FOXP1: variants seen among roughly 807,000 people sequenced by gnomAD.
FOXP1 encodes the protein forkhead box P1, also known as forkhead box protein P1.
In FOXP1, 15 loss-of-function variants were observed where a neutral mutation model predicts 98.2. The ratio of observed to expected loss-of-function variants is 0.15; its 90% CI spans 0.10 to 0.24. The LOEUF (loss-of-function observed/expected upper bound fraction) is 0.24. Ranked by LOEUF, FOXP1 falls within the 10% of genes least tolerant of loss-of-function variation. The pLI, the probability that FOXP1 is intolerant of heterozygous loss-of-function variation, is 1.00. For missense variants in FOXP1, 633 were observed against 848.5 expected, an observed-to-expected ratio of 0.75 and a Z score of 3.15; for synonymous variants, 371 against 314.5, an observed-to-expected ratio of 1.18 and a Z score of -1.90.
intron 3 of FOXP1, among the ~76,000 whole-genome samples, chr3:71,400,550 G>A (rs2081892633): frequency 6.6e-6 from 1 of 152,088 alleles, no homozygotes; most frequent in Non-Finnish European, 1.5e-5. Context: ...TAGAGATGGT[G>A]TTTCACCATG....
intron 6 of FOXP1, among the ~76,000 whole-genome samples, chr3:71,150,637 T>C (rs2060523042): frequency 6.8e-6 from 1 of 147,842 alleles, no homozygotes. Flanking sequence ...CCATTACTTA[T>C]TATTATTACT....
rs569461441 is a variant in FOXP1 at position 71,581,381 on chromosome 3, G to A, written c.-298+168C>T. 6.2e-5 allele frequency: 61 copies of A among 985,402 alleles called. No individual in the cohort carries two copies. The African/African-American group carries it at 9.8e-4, about 16-fold the overall frequency. The allele number at this position is 985,402 out of a possible 1,614,324, so 61.0% of individuals were successfully genotyped here. On this transcript the variant is annotated intron_variant, in intron 2 of 20. Transcript: ENST00000649528. Reference sequence around the variant, plus strand: ...AAAAGGGTGGAGGGGAGGAAGTCCAGTATTTCGAAGCACCTACCGGCCTGA... The same window carrying A: ...AAAAGGGTGGAGGGGAGGAAGTCCAATATTTCGAAGCACCTACCGGCCTGA...
At chr3:71,432,534 C>T (rs1038841549) in intron 3 of FOXP1, among the ~76,000 whole-genome samples, 1 of 152,218 alleles carries the variant, frequency 6.6e-6, no homozygotes, top group Admixed American at 6.5e-5. Context: ...GCTCCTATTC[C>T]ACCAGGTCCC....
At chr3:71,363,142 T>G (rs2078688268) in intron 3 of FOXP1, among the ~76,000 whole-genome samples, 1 of 151,882 alleles carries the variant, frequency 6.6e-6, no homozygotes, top group Non-Finnish European at 1.5e-5. Flanking sequence ...AAAAAAGGTG[T>G]GTTTAGATCT....
intron 6 of FOXP1, among the ~76,000 whole-genome samples, chr3:71,125,532 C>G (rs754759144): frequency 9.9e-5 from 15 of 152,134 alleles, no homozygotes; most frequent in Non-Finnish European, 1.9e-4. Context: ...CAAAGAAATA[C>G]AGATTTGATT....
At chr3:71,560,238 A>G (rs1335213544) in intron 2 of FOXP1, among the ~76,000 whole-genome samples, 1 of 152,230 alleles carries the variant, frequency 6.6e-6, no homozygotes. Flanking sequence ...CCACTGTGTA[A>G]TGTGACTACG....
rs913468311 is a variant in FOXP1 at position 70,977,649 on chromosome 3, A to T, written c.1422T>A (p.Ile474=). Residue 474 remains isoleucine, a synonymous_variant, in exon 16 of 21, where the codon ATT becomes ATA. Transcript: ENST00000649528. ...VRPPFTYASL[I]RQAILESPEK... Reference sequence around the variant, plus strand: ...TACTGTGTTATTTACTTACCTGCCTAATTAAAGATGCATATGTAAATGGTG... The same window carrying T: ...TACTGTGTTATTTACTTACCTGCCTTATTAAAGATGCATATGTAAATGGTG... The T allele has an allele frequency of 1.2e-6, 2 of 1,611,754 alleles. No homozygotes were observed. The highest frequency in any genetic ancestry group is 2.7e-5 in the African/African-American group (2 of 74,912).
intron 2 of FOXP1, among the ~76,000 whole-genome samples, chr3:71,526,906 G>A (rs2043428371): frequency 1.3e-5 from 2 of 151,088 alleles, no homozygotes; most frequent in Non-Finnish European, 1.5e-5. Flanking sequence ...GGCAGAGGTC[G>A]CGGTGAGCCA....
At chr3:71,337,735 C>T (rs1347442098) in intron 4 of FOXP1, among the ~76,000 whole-genome samples, 1 of 152,150 alleles carries the variant, frequency 6.6e-6, no homozygotes, top group Non-Finnish European at 1.5e-5. Context: ...AAACTTTCAT[C>T]TCAAGGATAA....
rs371166757 is a variant in FOXP1 at position 71,413,290 on chromosome 3, A to ACACC, written c.-167-54047_-167-54046insGGTG. Among the ~76,000 whole-genome samples, 132 of 138,596 alleles carry ACACC rather than the reference A, an allele frequency of 9.5e-4. 1 individual carries two copies. The highest frequency in any genetic ancestry group is 2.0e-3 in the South Asian group (8 of 4,084). The allele number at this position is 138,596 out of a possible 152,430, so 90.9% of individuals were successfully genotyped here. A position where few individuals can be genotyped will look rare whatever the true frequency, so the allele number is the denominator to read the frequency against. On this transcript the variant is annotated intron_variant, in intron 3 of 20. Transcript: ENST00000649528. ...CACACACACACACACACACACACAC[A>ACACC]CCCAAAACAGCCAACCAGTATGGAA...
intron 6 of FOXP1, among the ~76,000 whole-genome samples, chr3:71,180,336 T>C (rs777489447): frequency 6.6e-6 from 1 of 152,172 alleles, no homozygotes; most frequent in Non-Finnish European, 1.5e-5. Context: ...TAGTATATAA[T>C]TATTTGCTGT....
intron 5 of FOXP1, among the ~76,000 whole-genome samples, chr3:71,270,449 T>A: frequency 6.6e-6 from 1 of 152,130 alleles, no homozygotes; most frequent in East Asian, 1.9e-4. Context: ...GATACAGGAA[T>A]GGAGGAGGAG....
chr3:71,529,995 C>T (rs2043703923), intron 2 of FOXP1, among the ~76,000 whole-genome samples: 1 of 152,088 alleles, frequency 6.6e-6, no homozygotes, highest in Non-Finnish European at 1.5e-5. Flanking sequence ...CACCTGTGTC[C>T]AAAGCAGGGG....
chr3:71,475,031 G>A (rs576732860), intron 3 of FOXP1, among the ~76,000 whole-genome samples: 5 of 152,192 alleles, frequency 3.3e-5, no homozygotes, highest in African/African-American at 9.6e-5. Context: ...TGTCAGGCAA[G>A]CTCAAGTCTG....
At chr3:71,064,722 C>T (rs2052133643) in intron 7 of FOXP1, 1 of 817,070 alleles carries the variant, frequency 1.2e-6, no homozygotes. Flanking sequence ...CTTCAGAACC[C>T]TCGGGCTCTC....
intron 4 of FOXP1, among the ~76,000 whole-genome samples, chr3:71,358,248 C>T (rs1276671558): frequency 6.6e-6 from 1 of 152,130 alleles, no homozygotes; most frequent in Non-Finnish European, 1.5e-5. Context: ...TGATCTTTAG[C>T]CTACCATAAT....
intron 12 of FOXP1, among the ~76,000 whole-genome samples, chr3:71,009,357 T>C (rs1188243424): frequency 6.6e-6 from 1 of 152,040 alleles, no homozygotes; most frequent in Non-Finnish European, 1.5e-5. Flanking sequence ...TCGTTCCTTG[T>C]TCCTTACGCA....
chr3:71,075,238 T>C (rs756661597), intron 7 of FOXP1, among the ~76,000 whole-genome samples: 5 of 152,172 alleles, frequency 3.3e-5, no homozygotes, highest in Non-Finnish European at 7.3e-5. Context: ...TCCTCATCTA[T>C]AAAAAAGAAC....
intron 13 of FOXP1, among the ~76,000 whole-genome samples, chr3:70,992,697 C>T (rs915339824): frequency 2.0e-5 from 3 of 152,140 alleles, no homozygotes; most frequent in African/African-American, 7.2e-5. Context: ...TTATTAAAGA[C>T]TCTCTTGACA....
Sources: allele counts gnomAD v4.1 joint callset (sites outside exome capture counted in the v4.1 genomes callset), GRCh38; gene constraint gnomAD v4.1.1; transcripts MANE v1.5; gene names NCBI Gene and HGNC (gene_info 2026-07-23, HGNC 2026-07-21).